PLXNC1: variants seen among roughly 807,000 people sequenced by gnomAD.
PLXNC1 encodes the protein plexin C1, also known as plexin-C1.
PLXNC1 carries 75 observed loss-of-function variants against 178.2 expected under a neutral mutation model. That is an observed-to-expected ratio of 0.42 (90% confidence interval 0.35 to 0.51). The LOEUF is 0.51. Ranked by LOEUF, PLXNC1 falls within the 20% of genes least tolerant of loss-of-function variation. PLXNC1 has a pLI of 0.02. For synonymous variants in PLXNC1, 790 were observed against 779.9 expected, an observed-to-expected ratio of 1.01 and a Z score of -0.22; for missense variants, 1,503 against 1,984.4, an observed-to-expected ratio of 0.76 and a Z score of 4.61.
intron 21 of PLXNC1, chr12:94,272,377 G>C (rs1186257618): frequency 1.3e-5 from 2 of 152,412 alleles, no homozygotes; most frequent in East Asian, 3.8e-4. Flanking sequence ...GATGTAAGCA[G>C]GGCTGTAGAA....
rs371471686 is a variant in PLXNC1, at chr12:94,167,844, A to G, written c.1063-1309A>G. On this transcript the variant is annotated intron_variant, in intron 1 of 30. Transcript: ENST00000258526. ...ACATTGCCTTCTCTTAGGTTATGAC[A>G]TCTTTTCCTTGAAAAGTGATCAGGG... 2.0e-5 allele frequency among the ~76,000 whole-genome samples: 3 copies of G among 152,336 alleles called. No individual in the cohort carries two copies. In the East Asian group the frequency reaches 5.8e-4, roughly 29 times the overall value.
intron 2 of PLXNC1, among the ~76,000 whole-genome samples, chr12:94,178,065 T>C (rs549855761): frequency 6.6e-6 from 1 of 152,344 alleles, no homozygotes; most frequent in South Asian, 2.1e-4. Context: ...TTTTAAATGG[T>C]TTTGTTCAAA....
intron 5 of PLXNC1, among the ~76,000 whole-genome samples, chr12:94,215,511 A>C (rs2136011959): frequency 6.6e-6 from 1 of 152,118 alleles, no homozygotes; most frequent in South Asian, 2.1e-4. Context: ...AAAAAAAAAG[A>C]AGTCAATTTA....
At chr12:94,245,602 GAGTCCAAGAAGACACCATT>G (rs1964508362) in intron 12 of PLXNC1, among the ~76,000 whole-genome samples, 1 of 152,204 alleles carries the variant, frequency 6.6e-6, no homozygotes, top group South Asian at 2.1e-4. Context: ...GAAACCCTGT[GAGTCCAAGAAGACACCATT>G]TCTTTTCACA....
At chr12:94,150,171 C>CGCGG in intron 1 of PLXNC1, 138 bp downstream of exon 1, 2 of 708,606 alleles carry the variant, frequency 2.8e-6, no homozygotes, top group Non-Finnish European at 4.4e-6. Flanking sequence ...AGGTTCACAC[C>CGCGG]GCGGGCGGCC....
At chr12:94,291,392 T>TTTTGTTTG (rs570418292) in intron 23 of PLXNC1, among the ~76,000 whole-genome samples, 1 of 152,072 alleles carries the variant, frequency 6.6e-6, no homozygotes, top group South Asian at 2.1e-4. Flanking sequence ...CTCAGCGCTT[T>TTTTGTTTG]TTTGTTTGTT....
chr12:94,198,700 T>G (rs1963011950), intron 4 of PLXNC1, among the ~76,000 whole-genome samples: 1 of 152,122 alleles, frequency 6.6e-6, no homozygotes, highest in Non-Finnish European at 1.5e-5. Flanking sequence ...TCCTCACCTC[T>G]CCCAGCTCCG....
chr12:94,177,195 ATATACGTATATATATATGTG>A (rs1962112170), intron 2 of PLXNC1, among the ~76,000 whole-genome samples: 1 of 46,706 alleles, frequency 2.1e-5, no homozygotes, highest in Non-Finnish European at 3.5e-5. Flanking sequence ...ATGTATATAT[ATATACGTATATATATATGTG>A]TGTGTATATA....
chr12:94,178,604 C>T (rs1962189444), intron 2 of PLXNC1, among the ~76,000 whole-genome samples: 1 of 152,170 alleles, frequency 6.6e-6, no homozygotes, highest in Admixed American at 6.5e-5. Context: ...AGTGCCTGTC[C>T]CTTGGCTCCA....
At chr12:94,280,718 T>G (rs560336223) in intron 22 of PLXNC1, among the ~76,000 whole-genome samples, 1 of 152,304 alleles carries the variant, frequency 6.6e-6, no homozygotes, top group South Asian at 2.1e-4. Context: ...GCTTCCTTGC[T>G]CTGAGCATAC....
intron 23 of PLXNC1, among the ~76,000 whole-genome samples, chr12:94,290,500 G>A (rs979845104): frequency 1.3e-5 from 2 of 152,224 alleles, no homozygotes; most frequent in Non-Finnish European, 2.9e-5. Context: ...GCCCCAGCCG[G>A]CCCCTGCCCA....
intron 4 of PLXNC1, among the ~76,000 whole-genome samples, chr12:94,205,549 G>T (rs756917414): frequency 6.6e-6 from 1 of 152,190 alleles, no homozygotes; most frequent in Non-Finnish European, 1.5e-5. Flanking sequence ...ATTAGAAACA[G>T]ATGGTTTGCA....
intron 23 of PLXNC1, among the ~76,000 whole-genome samples, chr12:94,284,086 G>GAAA (rs1183496899): frequency 2.7e-5 from 3 of 111,644 alleles, no homozygotes; most frequent in Non-Finnish European, 3.9e-5. Context: ...CCATGTCAGG[G>GAAA]GAAAAAAAAA....
chr12:94,298,760 A>C lies in PLXNC1; in HGVS notation c.4203A>C (p.Thr1401=), dbSNP rs1270746399. The C allele has an allele frequency of 6.2e-7, 1 of 1,612,488 alleles. No homozygotes were observed. The highest frequency in any genetic ancestry group is 8.5e-7 in the Non-Finnish European group (1 of 1,179,674). Residue 1401 remains threonine (T), a synonymous_variant, in exon 27 of 31, where the codon ACA becomes ACC. Coordinates refer to ENST00000258526, the MANE Select transcript of PLXNC1 (RefSeq NM_005761.3). The stretch of plus-strand genomic sequence containing the variant: ...CCCAGGCTGAAAACAAAAAAATCAC[A>C]GATCCTGACGTCGTACATATTTGGA... ...LDAQAENKKI[T]DPDVVHIWKT...
At position 94,173,028 on chromosome 12, in the gene PLXNC1, G is replaced by A. The variant is rs114656797; in HGVS notation, c.1203+3735G>A. On this transcript the variant is annotated intron_variant, in intron 2 of 30. Transcript: ENST00000258526. Reference sequence around the variant, plus strand: ...TTTATCGGTGTACCGTCCCATGGTCGTGAGGTGAGTTATGTCTAGTCACCC... The same window carrying A: ...TTTATCGGTGTACCGTCCCATGGTCATGAGGTGAGTTATGTCTAGTCACCC... Among the ~76,000 whole-genome samples, 838 of 152,194 alleles carry A rather than the reference G, an allele frequency of 5.5e-3. 11 individuals are homozygous for A. The highest frequency in any genetic ancestry group is 0.019 in the African/African-American group (804 of 41,514).
rs1961596059 is a variant in PLXNC1, at chr12:94,166,063, CT to C, written c.1063-3089del. Among the ~76,000 whole-genome samples the C allele has an allele frequency of 1.3e-5, 2 of 152,114 alleles. 1 individual carries two copies. Among genetic ancestry groups the C allele is most frequent in the Non-Finnish European group, 2.9e-5 (2 of 67,970 alleles). On this transcript the variant is annotated intron_variant, in intron 1 of 30. Transcript: ENST00000258526. ...CAGTGTCTGGCAATAGGGAATGGAG[CT>C]GCCATTTGGCTTGGCCCAACGATAG...
At chr12:94,243,255 C>G (rs1964440103) in intron 11 of PLXNC1, among the ~76,000 whole-genome samples, 2 of 152,214 alleles carry the variant, frequency 1.3e-5, no homozygotes, top group South Asian at 4.1e-4. Flanking sequence ...AGGCTCTTGT[C>G]CCCTAGAATG....
rs940321340 is a variant in PLXNC1, at chr12:94,260,471, A to C, written c.3252-171A>C. Reference sequence around the variant, plus strand: ...CTAGTTTAAATGCTGAAAACACAGAAAATGTTCTAGAGATAGAAGTGGTTA... The same window carrying C: ...CTAGTTTAAATGCTGAAAACACAGACAATGTTCTAGAGATAGAAGTGGTTA... On this transcript the variant is annotated intron_variant, in intron 19 of 30. Coordinates refer to ENST00000258526, the MANE Select transcript of PLXNC1 (RefSeq NM_005761.3). The surrounding 1 kb of genome is among the most constrained non-coding windows in gnomAD (Gnocchi z 4.4). 6.6e-6 allele frequency among the ~76,000 whole-genome samples: 1 copy of C among 151,834 alleles called. No individual in the cohort carries two copies. Among genetic ancestry groups the C allele is most frequent in the African/African-American group, 2.4e-5 (1 of 41,314 alleles).
chr12:94,162,973 G>T (rs922563533), intron 1 of PLXNC1, among the ~76,000 whole-genome samples: 1 of 152,108 alleles, frequency 6.6e-6, no homozygotes, highest in South Asian at 2.1e-4. Flanking sequence ...TAGAAGTCCC[G>T]CATCACACAG....
Sources: allele counts gnomAD v4.1 joint callset (sites outside exome capture counted in the v4.1 genomes callset), GRCh38; gene constraint gnomAD v4.1.1; non-coding constraint Gnocchi (gnomAD v3.1); transcripts MANE v1.5; gene names NCBI Gene and HGNC (gene_info 2026-07-23, HGNC 2026-07-21).